Variants in GPR158 observed in about 807,000 individuals in gnomAD.
GPR158 encodes G protein-coupled receptor 158, also known as metabotropic glycine receptor.
In GPR158, 30 loss-of-function variants were observed where a neutral mutation model predicts 78.2. The observed-to-expected ratio is 0.38, with a 90% CI of 0.29 to 0.52. The LOEUF is 0.52. GPR158 is among the 20% of genes least tolerant of loss of function. The probability of loss-of-function intolerance (pLI) is 0.83; values close to 1 mark genes in which losing one functional copy is unlikely to be tolerated. For missense variants in GPR158, 1,463 were observed against 1,523.5 expected, an observed-to-expected ratio of 0.96 and a Z score of 0.66; for synonymous variants, 581 against 591.1, an observed-to-expected ratio of 0.98 and a Z score of 0.25.
chr10:25,365,603 C>A (rs2130540324), intron 2 of GPR158, among the ~76,000 whole-genome samples: 1 of 151,692 alleles, frequency 6.6e-6, no homozygotes, highest in Non-Finnish European at 1.5e-5. Flanking sequence ...GATCCTATAT[C>A]TATCAGGAAG....
chr10:25,597,765 C>A lies in GPR158; in HGVS notation c.2146-7C>A. On this transcript the variant is annotated splice_region_variant and splice_polypyrimidine_tract_variant and intron_variant, in intron 10 of 10. Coordinates refer to ENST00000376351, the MANE Select transcript of GPR158 (RefSeq NM_020752.3). ...ACACTTCTTTGAATTTGCTTTTGTT[C>A]TGGCAGGACGAGCTGAAAAAACTCT... 2 of 1,494,936 alleles carry A rather than the reference C, an allele frequency of 1.3e-6. No individual in the cohort carries two copies. Among genetic ancestry groups the A allele is most frequent in the Middle Eastern group, 1.8e-4 (1 of 5,546 alleles). 92.6% of individuals were successfully genotyped at this position (1,494,936 alleles called of 1,614,324 possible). A position where few individuals can be genotyped will look rare whatever the true frequency, so the allele number is the denominator to read the frequency against.
intron 2 of GPR158, among the ~76,000 whole-genome samples, chr10:25,360,285 T>G (rs1043787121): frequency 6.6e-6 from 1 of 152,246 alleles, no homozygotes; most frequent in Non-Finnish European, 1.5e-5. Context: ...TTGGCTTTTG[T>G]TGCCATTGCT....
chr10:25,197,427 C>G (rs1238895106), intron 1 of GPR158, among the ~76,000 whole-genome samples: 2 of 152,032 alleles, frequency 1.3e-5, no homozygotes, highest in African/African-American at 4.8e-5. Context: ...AGAAAAAAAT[C>G]TAAAATTTAA....
chr10:25,423,945 T>C (rs1834786839), intron 4 of GPR158, among the ~76,000 whole-genome samples: 1 of 152,200 alleles, frequency 6.6e-6, no homozygotes, highest in Non-Finnish European at 1.5e-5. Context: ...TTCTAGATCC[T>C]TGAGGAATTG....
At chr10:25,396,383 TA>T (rs957795964) in intron 3 of GPR158, among the ~76,000 whole-genome samples, 4 of 152,162 alleles carry the variant, frequency 2.6e-5, no homozygotes, top group Admixed American at 2.0e-4. Flanking sequence ...TAATGCTGCA[TA>T]AAAAGTTACC....
chr10:25,287,560 G>A (rs543216700), intron 2 of GPR158, among the ~76,000 whole-genome samples: 14 of 152,070 alleles, frequency 9.2e-5, no homozygotes, highest in South Asian at 4.1e-4. Flanking sequence ...TATGTGGCTC[G>A]TTGTATGTGG....
At chr10:25,196,670 G>C (rs1232142019) in intron 1 of GPR158, among the ~76,000 whole-genome samples, 3 of 152,154 alleles carry the variant, frequency 2.0e-5, no homozygotes, top group Non-Finnish European at 4.4e-5. Flanking sequence ...GGCAGTCTCT[G>C]CCCCACCCTG....
chr10:25,391,740 A>T (rs1347943791), intron 2 of GPR158, among the ~76,000 whole-genome samples: 4 of 152,100 alleles, frequency 2.6e-5, no homozygotes. Flanking sequence ...ATGAATTGAG[A>T]CTTTGGGGAA....
At chr10:25,478,699 G>C (rs1835622872) in intron 5 of GPR158, among the ~76,000 whole-genome samples, 1 of 151,836 alleles carries the variant, frequency 6.6e-6, no homozygotes, top group South Asian at 2.1e-4. Context: ...CAGTGTGCAG[G>C]TTTGTTACGT....
At chr10:25,188,440 G>C (rs181820291) in intron 1 of GPR158, among the ~76,000 whole-genome samples, 1 of 152,198 alleles carries the variant, frequency 6.6e-6, no homozygotes, top group East Asian at 1.9e-4. Flanking sequence ...CACAGATATA[G>C]ACCAATGGAA....
chr10:25,375,292 G>A (rs1007286755), intron 2 of GPR158, among the ~76,000 whole-genome samples: 2 of 151,440 alleles, frequency 1.3e-5, no homozygotes, highest in Non-Finnish European at 3.0e-5. Flanking sequence ...TTTTGGATAG[G>A]TTGCTTGCCA....
intron 2 of GPR158, among the ~76,000 whole-genome samples, chr10:25,371,521 G>C (rs1380702326): frequency 6.6e-6 from 1 of 150,872 alleles, no homozygotes; most frequent in East Asian, 1.9e-4. Flanking sequence ...TAAATCAATG[G>C]AACAGAACAG....
chr10:25,192,629 G>A (rs1216332710), intron 1 of GPR158, among the ~76,000 whole-genome samples: 1 of 152,086 alleles, frequency 6.6e-6, no homozygotes, highest in Non-Finnish European at 1.5e-5. Context: ...TATATGTAAA[G>A]AGGCTAACAT....
At chr10:25,463,639 G>A (rs1835385830) in intron 4 of GPR158, among the ~76,000 whole-genome samples, 1 of 152,052 alleles carries the variant, frequency 6.6e-6, no homozygotes, top group Non-Finnish European at 1.5e-5. Context: ...TAACTAGGAA[G>A]GAGATGACTT....
intron 4 of GPR158, among the ~76,000 whole-genome samples, chr10:25,446,177 C>G (rs973963523): frequency 1.3e-5 from 2 of 152,098 alleles, no homozygotes; most frequent in Non-Finnish European, 1.5e-5. Context: ...TTTTAAGATT[C>G]AGAAAGAGAA....
intron 2 of GPR158, among the ~76,000 whole-genome samples, chr10:25,246,827 A>G (rs1235827957): frequency 6.6e-6 from 1 of 152,222 alleles, no homozygotes; most frequent in Non-Finnish European, 1.5e-5. Flanking sequence ...ACTAACAAGC[A>G]TGAGATCCTT....
chr10:25,541,614 T>C (rs1294939398), intron 5 of GPR158, among the ~76,000 whole-genome samples: 1 of 144,824 alleles, frequency 6.9e-6, no homozygotes, highest in Non-Finnish European at 1.5e-5. Context: ...AAAAAAAAAA[T>C]TTTAGAACAC....
chr10:25,461,279 G>T (rs752161272), intron 4 of GPR158, among the ~76,000 whole-genome samples: 2 of 152,140 alleles, frequency 1.3e-5, no homozygotes, highest in Admixed American at 6.5e-5. Flanking sequence ...CTAACTAGCC[G>T]ATTTGTAAAT....
intron 2 of GPR158, among the ~76,000 whole-genome samples, chr10:25,251,807 T>C (rs2130722531): frequency 6.6e-6 from 1 of 150,448 alleles, no homozygotes; most frequent in South Asian, 2.1e-4. Context: ...GTTGCTCTTC[T>C]CGAGGAGTAT....
Sources: gnomAD v4.1 joint callset for allele counts (sites outside exome capture counted in the v4.1 genomes callset) on GRCh38, gnomAD v4.1.1 for gene constraint, MANE v1.5 for transcripts, NCBI Gene and HGNC (gene_info 2026-07-23, HGNC 2026-07-21) for gene names.